DNAH6: variants seen among roughly 807,000 people sequenced by gnomAD.
DNAH6 encodes axonemal beta dynein heavy chain 6.
In DNAH6, 340 loss-of-function variants were observed where a neutral mutation model predicts 491.4. The ratio of observed to expected loss-of-function variants is 0.69; its 90% CI spans 0.63 to 0.76. The LOEUF is 0.76. DNAH6 is among the 30% of genes least tolerant of loss of function. DNAH6 has a pLI of 0.00. For synonymous variants in DNAH6, 1,603 were observed against 1,686.1 expected (o/e 0.95, Z 1.21); for missense variants, 4,443 against 4,972.2 (o/e 0.89, Z 3.20).
intron 4 of DNAH6, among the ~76,000 whole-genome samples, chr2:84,532,007 T>A (rs1161810526): frequency 5.9e-5 from 9 of 152,110 alleles, no homozygotes; most frequent in Admixed American, 5.9e-4. Context: ...GTTTTCATAG[T>A]TTTCTCTTCA....
chr2:84,516,907 C>G (rs1311430630), intron 1 of DNAH6, among the ~76,000 whole-genome samples: 1 of 152,016 alleles, frequency 6.6e-6, no homozygotes, highest in Non-Finnish European at 1.5e-5. Flanking sequence ...AGGCGTGGTA[C>G]CAAAAGACAA....
intron 10 of DNAH6, among the ~76,000 whole-genome samples, chr2:84,555,297 G>C (rs1679907986): frequency 6.6e-6 from 1 of 152,134 alleles, no homozygotes; most frequent in African/African-American, 2.4e-5. Flanking sequence ...CTTGGTGTGT[G>C]AGACAAACCT....
chr2:84,586,458 A>AT (rs1018271432), intron 15 of DNAH6, among the ~76,000 whole-genome samples: 1 of 152,100 alleles, frequency 6.6e-6, no homozygotes, highest in African/African-American at 2.4e-5. Flanking sequence ...CCTTTATTTT[A>AT]TTTTGGTATG....
At chr2:84,541,616 G>A (rs971497737) in intron 4 of DNAH6, among the ~76,000 whole-genome samples, 2 of 152,110 alleles carry the variant, frequency 1.3e-5, no homozygotes, top group Non-Finnish European at 2.9e-5. Context: ...TTTAGATGTG[G>A]AGGAAAAGAA....
At chr2:84,465,353 G>A in the DNAH6 span, among the ~76,000 whole-genome samples, 2 of 152,024 alleles carry the variant, frequency 1.3e-5, no homozygotes, top group African/African-American at 4.8e-5. Flanking sequence ...AAATTAGCCG[G>A]GTGTGGTGGC....
chr2:84,806,428 G>A (rs560238886), intron 71 of DNAH6, among the ~76,000 whole-genome samples: 17 of 152,144 alleles, frequency 1.1e-4, no homozygotes, highest in African/African-American at 3.9e-4. Context: ...GACTATCCTG[G>A]CTAACACGGT....
intron 14 of DNAH6, among the ~76,000 whole-genome samples, chr2:84,580,281 C>A (rs550580907): frequency 1.6e-4 from 24 of 150,352 alleles, no homozygotes; most frequent in African/African-American, 5.9e-4. Context: ...GGAATCAGGT[C>A]TCTGTTTCTC....
intron 5 of DNAH6, among the ~76,000 whole-genome samples, chr2:84,546,362 T>A (rs1376088724): frequency 6.6e-6 from 1 of 152,240 alleles, no homozygotes; most frequent in Non-Finnish European, 1.5e-5. Flanking sequence ...AAATGCTATG[T>A]AAATAGTTGT....
chr2:84,492,859 A>G, the DNAH6 span, among the ~76,000 whole-genome samples: 5 of 152,202 alleles, frequency 3.3e-5, no homozygotes, highest in South Asian at 1.0e-3. Context: ...TCTAAAGATA[A>G]TAAAAAATAA....
chr2:84,724,934 C>T (rs1214017519), intron 60 of DNAH6, among the ~76,000 whole-genome samples: 1 of 152,192 alleles, frequency 6.6e-6, no homozygotes, highest in Non-Finnish European at 1.5e-5. Context: ...TTAGACTCCA[C>T]CTCTCAATGG....
intron 64 of DNAH6, among the ~76,000 whole-genome samples, chr2:84,763,709 A>G (rs1402722538): frequency 7.2e-6 from 1 of 139,032 alleles, no homozygotes; most frequent in Non-Finnish European, 1.5e-5. Context: ...AATAGAACTG[A>G]TAGGATGTGT....
At position 84,686,534 on chromosome 2, in the gene DNAH6, A is replaced by G; in HGVS notation, c.7114A>G (p.Ile2372Val). 1.3e-6 allele frequency: 2 copies of G among 1,537,146 alleles called. No homozygotes were observed. The highest frequency in any genetic ancestry group is 1.2e-5 in the South Asian group (1 of 82,302). Residue 2372 changes from isoleucine (I) to valine (V), a missense_variant, in exon 44 of 77, where the codon ATC becomes GTC. Physicochemically the swap from Ile to Val is conservative, Grantham distance 29. Transcript: ENST00000389394. ...CCTGGAATATTTTTTGAATAAGCCC[A>G]TCATATTTGGAGATTTCATTAAGGC... ...IDLEYFLNKPIIFGDFIKFGA... is the reference protein window; with the variant it reads ...IDLEYFLNKPVIFGDFIKFGA...
Position 84,781,494 on chromosome 2 carries a change from GT to G in DNAH6, c.10706del (p.Val3569GlyfsTer22). On this transcript the variant is annotated frameshift_variant and splice_region_variant, in exon 65 of 77. Coordinates refer to ENST00000389394, the MANE Select transcript of DNAH6 (RefSeq NM_001370.2). LOFTEE classifies it high-confidence loss of function. Reference sequence around the variant, plus strand: ...TTGTGTTCTTGCTGTTCAATTCAGGGTGCAGTCAATTTCACTGGGGCAAGGA... The same window carrying G: ...TTGTGTTCTTGCTGTTCAATTCAGGGGCAGTCAATTTCACTGGGGCAAGGA... ...FARESGYSER[V>X]QSISLGQGQG... 1 of 1,548,122 alleles carries G rather than the reference GT, an allele frequency of 6.5e-7. No individual in the cohort carries two copies. The highest frequency in any genetic ancestry group is 1.2e-5 in the South Asian group (1 of 83,766).
chr2:84,703,161 T>G (rs1283377588), intron 49 of DNAH6, among the ~76,000 whole-genome samples: 3 of 152,248 alleles, frequency 2.0e-5, no homozygotes, highest in Admixed American at 6.5e-5. Flanking sequence ...GACGTCCCAC[T>G]GCTGTGGCCA....
the DNAH6 span, among the ~76,000 whole-genome samples, chr2:84,494,969 A>G: frequency 6.6e-6 from 1 of 152,154 alleles, no homozygotes; most frequent in Admixed American, 6.5e-5. Flanking sequence ...TCACACCTTG[A>G]ATAGCAAGCT....
intron 37 of DNAH6, among the ~76,000 whole-genome samples, chr2:84,666,694 A>G (rs1403150720): frequency 1.3e-5 from 2 of 152,186 alleles, no homozygotes; most frequent in South Asian, 2.1e-4. Flanking sequence ...TATAGATTCA[A>G]TGCCATCCCC....
chr2:84,482,494 T>A, the DNAH6 span, among the ~76,000 whole-genome samples: 1 of 152,214 alleles, frequency 6.6e-6, no homozygotes, highest in African/African-American at 2.4e-5. Context: ...TTTAAAAAGA[T>A]AGACCAAGAG....
chr2:84,544,225 G>T lies in DNAH6; in HGVS notation c.663-8G>T. The T allele has an allele frequency of 7.3e-7, 1 of 1,365,866 alleles. No individual in the cohort carries two copies. The highest frequency in any genetic ancestry group is 9.9e-7 in the Non-Finnish European group (1 of 1,008,072). The allele number at this position is 1,365,866 out of a possible 1,614,324, so 84.6% of individuals were successfully genotyped here. Reference sequence around the variant, plus strand: ...TATTTATTAGTCCCAATTTTTATTTGTTTATAGAGTTGTAAGTTATGAGAA... The same window carrying T: ...TATTTATTAGTCCCAATTTTTATTTTTTTATAGAGTTGTAAGTTATGAGAA... On this transcript the variant is annotated splice_region_variant and splice_polypyrimidine_tract_variant and intron_variant, in intron 4 of 76. Transcript: ENST00000389394.
intron 37 of DNAH6, among the ~76,000 whole-genome samples, chr2:84,662,913 G>C (rs1038221803): frequency 6.6e-6 from 1 of 152,190 alleles, no homozygotes; most frequent in African/African-American, 2.4e-5. Context: ...AGCTTCCAGA[G>C]GAAGGATCAG....
Sources: gnomAD v4.1 joint callset for allele counts (sites outside exome capture counted in the v4.1 genomes callset) on GRCh38, gnomAD v4.1.1 for gene constraint, MANE v1.5 for transcripts, NCBI Gene and HGNC (gene_info 2026-07-23, HGNC 2026-07-21) for gene names.